The following ELAVL4 variants were observed in gnomAD, a reference collection of about 807,000 sequenced individuals.
The protein encoded by ELAVL4 is ELAV like RNA binding protein 4.
ELAVL4 carries 1 observed loss-of-function variant against 35.6 expected under a neutral mutation model. The ratio of observed to expected loss-of-function variants is 0.03; its 90% confidence interval spans 0.01 to 0.13. The LOEUF (loss-of-function observed/expected upper bound fraction) is 0.13. ELAVL4 is among the 10% of genes least tolerant of loss of function. ELAVL4 has a pLI of 1.00. For synonymous variants in ELAVL4, 156 were observed against 171.0 expected (o/e 0.91, Z 0.69); for missense variants, 267 against 464.9 (o/e 0.57, Z 3.91).
chr1:50,193,608 A>G (rs1215960694), intron 3 of ELAVL4, among the ~76,000 whole-genome samples, 157 bp from the exon 4 acceptor site: 1 of 152,142 alleles, frequency 6.6e-6, no homozygotes, highest in Non-Finnish European at 1.5e-5. Context: ...TCTCATTACT[A>G]TTACAAGGGT....
intron 1 of ELAVL4, among the ~76,000 whole-genome samples, chr1:50,120,823 C>T (rs1338645164): frequency 6.6e-6 from 1 of 151,998 alleles, no homozygotes; most frequent in Admixed American, 6.6e-5. Flanking sequence ...TAGAGGAGTA[C>T]ACTGCATTCT....
intron 1 of ELAVL4, among the ~76,000 whole-genome samples, chr1:50,079,277 A>G (rs1044827026): frequency 7.2e-5 from 11 of 152,104 alleles, no homozygotes; most frequent in African/African-American, 2.7e-4. Context: ...ATTCCCCAGG[A>G]AGTAGATTCT....
chr1:50,070,266 G>A (rs1664450571), intron 1 of ELAVL4, among the ~76,000 whole-genome samples: 2 of 152,080 alleles, frequency 1.3e-5, no homozygotes, highest in African/African-American at 2.4e-5. Context: ...GGCCAGAGAG[G>A]GCTGAAGACT....
exon 1 of ELAVL4, chr1:50,048,095 G>C (rs1014393460): frequency 2.8e-6 from 4 of 1,445,308 alleles, no homozygotes; most frequent in Non-Finnish European, 2.7e-6. Context: ...CTCTGCGGAC[G>C]TCTTCCCGCC....
chr1:50,054,523 A>C (rs1024279068), intron 1 of ELAVL4, among the ~76,000 whole-genome samples: 1 of 152,158 alleles, frequency 6.6e-6, no homozygotes, highest in African/African-American at 2.4e-5. Context: ...TAAAAGTGTG[A>C]GATCTGTCAA....
chr1:50,128,840 A>G (rs926752356), intron 1 of ELAVL4, among the ~76,000 whole-genome samples: 2 of 152,094 alleles, frequency 1.3e-5, no homozygotes, highest in Non-Finnish European at 2.9e-5. Context: ...TAGTGGGTAA[A>G]GAAGGAAGAT....
At chr1:50,080,555 C>T (rs180931166) in intron 1 of ELAVL4, among the ~76,000 whole-genome samples, 8 of 152,100 alleles carry the variant, frequency 5.3e-5, no homozygotes, top group African/African-American at 1.7e-4. Flanking sequence ...GTGTCATTTC[C>T]CTGATGAAAT....
upstream of ELAVL4, among the ~76,000 whole-genome samples, chr1:50,098,962 C>T (rs1163828539): frequency 6.6e-6 from 1 of 152,198 alleles, no homozygotes; most frequent in Non-Finnish European, 1.5e-5. Flanking sequence ...GAAAGAAAAG[C>T]AGCCGTGGGC....
chr1:50,098,705 A>G (rs1367638631), intron 1 of ELAVL4, among the ~76,000 whole-genome samples: 1 of 152,212 alleles, frequency 6.6e-6, no homozygotes, highest in Non-Finnish European at 1.5e-5. Context: ...AAGTAGTTAA[A>G]TCATTTCCCC....
At chr1:50,138,823 G>A (rs1672331333) in intron 1 of ELAVL4, among the ~76,000 whole-genome samples, 1 of 152,098 alleles carries the variant, frequency 6.6e-6, no homozygotes, top group South Asian at 2.1e-4. Flanking sequence ...AATGGTAGTT[G>A]CCAGGAGCTG....
At chr1:50,128,263 T>C (rs1670278441) in intron 1 of ELAVL4, among the ~76,000 whole-genome samples, 1 of 152,090 alleles carries the variant, frequency 6.6e-6, no homozygotes, top group African/African-American at 2.4e-5. Context: ...TTGAAGGAAG[T>C]TGAGTGAGAC....
At chr1:50,094,940 A>T (rs772530476) in intron 1 of ELAVL4, among the ~76,000 whole-genome samples, 38 of 151,998 alleles carry the variant, frequency 2.5e-4, no homozygotes, top group African/African-American at 4.8e-4. Context: ...AAAAATAAAA[A>T]AATAATAATA....
rs372715737 is a variant in ELAVL4 at position 50,075,178 on chromosome 1, A to G, written c.18+26996A>G. Among the ~76,000 whole-genome samples the G allele has an allele frequency of 3.3e-5, 5 of 152,184 alleles. No homozygotes were observed. The East Asian group carries it at 5.8e-4, about 18-fold the overall frequency. On this transcript the variant is annotated intron_variant, in intron 1 of 6. Transcript: ENST00000448907. ...CCCTAGGGCAGCCATGTTTAAGACGATGTAAGGCCACCAGGGAGACAGCTA... is the reference window on the plus strand; with the variant it reads ...CCCTAGGGCAGCCATGTTTAAGACGGTGTAAGGCCACCAGGGAGACAGCTA...
upstream of ELAVL4, among the ~76,000 whole-genome samples, chr1:50,107,678 G>A (rs937114079): frequency 6.6e-6 from 1 of 152,028 alleles, no homozygotes; most frequent in African/African-American, 2.4e-5. Flanking sequence ...TTTTGTATTT[G>A]GTAATATGTG....
At chr1:50,178,131 AG>A (rs1171639357) in intron 3 of ELAVL4, among the ~76,000 whole-genome samples, 8 of 152,102 alleles carry the variant, frequency 5.3e-5, no homozygotes, top group African/African-American at 1.9e-4. Flanking sequence ...CGTCCTGCTT[AG>A]GGGCAGCTGC....
chr1:50,048,081 G>A, exon 1 of ELAVL4: 1 of 1,411,242 alleles, frequency 7.1e-7, no homozygotes, highest in Non-Finnish European at 9.3e-7. Flanking sequence ...CGAGAGCGGT[G>A]AGACTCTGCG....
chr1:50,118,811 T>C (rs999885332), intron 1 of ELAVL4, among the ~76,000 whole-genome samples: 2 of 151,912 alleles, frequency 1.3e-5, no homozygotes, highest in African/African-American at 4.8e-5. Context: ...TGAATTCTAC[T>C]TCATATGCTT....
intron 3 of ELAVL4, among the ~76,000 whole-genome samples, chr1:50,187,822 A>C (rs1479522723): frequency 6.6e-6 from 1 of 152,220 alleles, no homozygotes; most frequent in Non-Finnish European, 1.5e-5. Flanking sequence ...GAGGCTGGGC[A>C]TGGTGGCTCT....
At chr1:50,076,789 G>T (rs1257959526) in intron 1 of ELAVL4, among the ~76,000 whole-genome samples, 1 of 152,120 alleles carries the variant, frequency 6.6e-6, no homozygotes, top group Non-Finnish European at 1.5e-5. Context: ...GATTATTTAG[G>T]GGTATAATGC....
Sources: gnomAD v4.1 joint callset for allele counts (sites outside exome capture counted in the v4.1 genomes callset) on GRCh38, gnomAD v4.1.1 for gene constraint, MANE v1.5 for transcripts, NCBI Gene and HGNC (gene_info 2026-07-23, HGNC 2026-07-21) for gene names.